The following PDE3B variants were observed in gnomAD, a reference collection of about 807,000 sequenced individuals.
PDE3B encodes cGMP-inhibited 3',5'-cyclic phosphodiesterase 3B.
A neutral mutation model predicts 116.8 loss-of-function variants in PDE3B; 66 were observed. The observed-to-expected ratio is 0.56, with a 90% confidence interval of 0.46 to 0.69. The LOEUF (loss-of-function observed/expected upper bound fraction) is 0.69, where lower values mean the gene tolerates loss of function less well. Among genes scored for constraint, PDE3B ranks in the 30% least tolerant of loss-of-function variants. PDE3B has a pLI of 0.00. For synonymous variants in PDE3B, 595 were observed against 533.6 expected (o/e 1.12, Z -1.59); for missense variants, 1,384 against 1,368.1 (o/e 1.01, Z -0.18).
At chr11:14,811,084 G>C (rs200503013) in intron 5 of PDE3B, among the ~76,000 whole-genome samples, 1 of 147,300 alleles carries the variant, frequency 6.8e-6, no homozygotes, top group Non-Finnish European at 1.5e-5. Context: ...TGTCAGATGA[G>C]TAGGTTGTGA....
chr11:14,891,653 C>T, the PDE3B span: 7 of 1,157,904 alleles, frequency 6.0e-6, no homozygotes. Context: ...CACCCTGGAC[C>T]TGAAGTGGCG....
At chr11:14,778,776 C>A (rs937903192) in intron 2 of PDE3B, among the ~76,000 whole-genome samples, 1 of 152,160 alleles carries the variant, frequency 6.6e-6, no homozygotes, top group African/African-American at 2.4e-5. Flanking sequence ...TCCAAAGGAA[C>A]GCAGCTCCTC....
At chr11:14,666,312 C>A (rs1217513060) in intron 1 of PDE3B, among the ~76,000 whole-genome samples, 2 of 150,434 alleles carry the variant, frequency 1.3e-5, no homozygotes, top group Non-Finnish European at 3.0e-5. Flanking sequence ...AAACGTTAGA[C>A]CTAAAACCAT....
chr11:14,668,836 G>A (rs938158405), intron 1 of PDE3B, among the ~76,000 whole-genome samples: 6 of 150,690 alleles, frequency 4.0e-5, no homozygotes, highest in African/African-American at 1.2e-4. Context: ...TGTCAAAAAG[G>A]ATGAAAAGCC....
intron 1 of PDE3B, among the ~76,000 whole-genome samples, chr11:14,762,973 T>G (rs1857402924): frequency 6.6e-6 from 1 of 152,080 alleles, no homozygotes; most frequent in Admixed American, 6.6e-5. Flanking sequence ...AGATGTTGAG[T>G]AGGCTATTGG....
intron 1 of PDE3B, among the ~76,000 whole-genome samples, chr11:14,754,932 TG>T (rs1295415855): frequency 6.6e-6 from 1 of 152,196 alleles, no homozygotes; most frequent in African/African-American, 2.4e-5. Context: ...GGACAATCTC[TG>T]TAATATTTCT....
In PDE3B at chr11:14,644,310, C is replaced by G; in HGVS notation, c.235C>G (p.Arg79Gly). 6.4e-7 allele frequency: 1 copy of G among 1,565,820 alleles called. No individual in the cohort carries two copies. Among genetic ancestry groups the G allele is most frequent in the Non-Finnish European group, 8.6e-7 (1 of 1,162,176 alleles). ...GCGCTGCTCCCCCTTCTGCCGGGCG[C>G]GCCTCTCGCTGGGCGCCCTGGCTGC... Reference protein sequence around the residue: ...PRRCSPFCRARLSLGALAAFV... With the variant: ...PRRCSPFCRAGLSLGALAAFV... The change falls in exon 1 of 16, where the codon CGC becomes GGC. Residue 79 changes from arginine (R) to glycine (G), a missense_variant. Around this residue, in one of 2 missense-constraint regions of PDE3B, gnomAD observed 956 missense variants for 806.8 expected, o/e 1.18. Transcript: ENST00000282096.
chr11:14,873,239 C>T (rs1312278494), downstream of PDE3B, among the ~76,000 whole-genome samples: 1 of 152,064 alleles, frequency 6.6e-6, no homozygotes, highest in African/African-American at 2.4e-5. Context: ...CTTACAAAAC[C>T]CACTGTTCTG....
intron 1 of PDE3B, among the ~76,000 whole-genome samples, chr11:14,741,006 G>T (rs1405819676): frequency 6.6e-6 from 1 of 152,136 alleles, no homozygotes; most frequent in Non-Finnish European, 1.5e-5. Context: ...TTTCTGCAGA[G>T]TGTTTTACTT....
chr11:14,813,916 A>C (rs1463507637), intron 5 of PDE3B, among the ~76,000 whole-genome samples: 2 of 152,196 alleles, frequency 1.3e-5, no homozygotes, highest in African/African-American at 4.8e-5. Context: ...TAATACCATA[A>C]TGTTCATGTT....
chr11:14,893,456 C>T, the PDE3B span, among the ~76,000 whole-genome samples: 4 of 152,310 alleles, frequency 2.6e-5, no homozygotes, highest in African/African-American at 9.6e-5. Flanking sequence ...CTTAAAACCA[C>T]ACAAATTTAT....
At chr11:14,841,575 T>C (rs1283733070) in intron 11 of PDE3B, among the ~76,000 whole-genome samples, 1 of 148,230 alleles carries the variant, frequency 6.7e-6, no homozygotes, top group East Asian at 2.0e-4. Context: ...TATTAGTCTG[T>C]TCTGACATTG....
chr11:14,855,647 AAG>A (rs147471498), intron 12 of PDE3B, among the ~76,000 whole-genome samples: 84 of 149,074 alleles, frequency 5.6e-4, no homozygotes, highest in Non-Finnish European at 5.5e-4. Context: ...GTGTGTGAGC[AAG>A]AGAGAGAGAG....
At chr11:14,890,325 G>T in the PDE3B span, 1 of 267,144 alleles carries the variant, frequency 3.7e-6, no homozygotes, top group Non-Finnish European at 5.8e-6. Context: ...ATGATGCTGT[G>T]TACCAAGATA....
At chr11:14,705,218 G>C (rs999344361) in intron 1 of PDE3B, among the ~76,000 whole-genome samples, 2 of 151,730 alleles carry the variant, frequency 1.3e-5, no homozygotes, top group Non-Finnish European at 3.0e-5. Flanking sequence ...CATGTTTATA[G>C]CAGTTAATTC....
At chr11:14,746,318 G>C (rs1343334431) in intron 1 of PDE3B, among the ~76,000 whole-genome samples, 1 of 152,188 alleles carries the variant, frequency 6.6e-6, no homozygotes, top group Non-Finnish European at 1.5e-5. Flanking sequence ...CCAGGAGGCG[G>C]AGGTTGCAGT....
Position 14,644,110 on chromosome 11 carries a change from G to A in PDE3B, c.35G>A (p.Arg12Gln). The A allele has an allele frequency of 4.4e-6, 7 of 1,573,348 alleles. No individual in the cohort carries two copies. Among genetic ancestry groups the A allele is most frequent in the South Asian group, 1.1e-5 (1 of 87,760 alleles). Residue 12 changes from arginine (R) to glutamine (Q), a missense_variant, in exon 1 of 16, where the codon CGG (arginine) becomes CAG (glutamine). Arg to Gln is a conservative substitution (Grantham distance 43). This residue lies in a region of PDE3B where 956 missense variants were observed against 806.8 expected (regional missense o/e 1.18). Coordinates refer to ENST00000282096, the MANE Select transcript of PDE3B (RefSeq NM_000922.4). ...RRDERDAKAM[R>Q]SLQPPDGAGS... ...GACGAGCGAGACGCCAAAGCCATGC[G>A]GTCCCTGCAGCCGCCGGATGGGGCC...
intron 1 of PDE3B, among the ~76,000 whole-genome samples, chr11:14,647,477 CTT>C (rs1853442471): frequency 6.6e-6 from 1 of 151,834 alleles, no homozygotes; most frequent in Non-Finnish European, 1.5e-5. Context: ...TTAGTTTACA[CTT>C]TTGGTAAGGT....
chr11:14,664,878 A>G (rs1299998459), intron 1 of PDE3B, among the ~76,000 whole-genome samples: 1 of 152,234 alleles, frequency 6.6e-6, no homozygotes, highest in Non-Finnish European at 1.5e-5. Context: ...AACTATTCCA[A>G]TCAATAGAAA....
Sources: gnomAD v4.1 joint callset for allele counts (sites outside exome capture counted in the v4.1 genomes callset) on GRCh38, gnomAD v4.1.1 for gene constraint, gnomAD v4.1.1 regional missense constraint, MANE v1.5 for transcripts, NCBI Gene and HGNC (gene_info 2026-07-23, HGNC 2026-07-21) for gene names.